Variants in STK24 observed in about 807,000 individuals in gnomAD.
STK24 encodes serine/threonine-protein kinase 24.
STK24 carries 21 observed loss-of-function variants against 55.6 expected under a neutral mutation model. The observed-to-expected ratio is 0.38, with a 90% confidence interval of 0.27 to 0.54. The LOEUF is 0.54. Ranked by LOEUF, STK24 falls within the 20% of genes least tolerant of loss-of-function variation. STK24 has a pLI of 0.79. For synonymous variants in STK24, 200 were observed against 215.2 expected (o/e 0.93, Z 0.62); for missense variants, 383 against 538.4 (o/e 0.71, Z 2.86).
At chr13:98,575,133 C>T (rs551373043) in intron 1 of STK24, among the ~76,000 whole-genome samples, 2 of 151,988 alleles carry the variant, frequency 1.3e-5, no homozygotes, top group East Asian at 3.9e-4. Flanking sequence ...CTTTTTTCAC[C>T]CAGTTCACTC....
At position 98,453,110 on chromosome 13, in the gene STK24, T is replaced by TAA; in HGVS notation, c.*61_*62dup. 1 of 1,596,584 alleles carries TAA rather than the reference T, an allele frequency of 6.3e-7. No homozygotes were observed. On this transcript the variant is annotated 3_prime_UTR_variant, in exon 11 of 11. Coordinates refer to ENST00000539966, the MANE Select transcript of STK24 (RefSeq NM_001032296.4). The stretch of plus-strand genomic sequence containing the variant: ...GTCAGCGAAGGCTCTCGTTGACTTT[T>TAA]AAAAAAGGAGGAGGATGAAGAAGGA...
intron 1 of STK24, among the ~76,000 whole-genome samples, chr13:98,537,159 C>T (rs1021395168): frequency 6.6e-6 from 1 of 152,256 alleles, no homozygotes; most frequent in Non-Finnish European, 1.5e-5. Flanking sequence ...TCAAGACCTA[C>T]CTCTGAAGGA....
rs913050457 is a variant in STK24, at chr13:98,448,867, T to C, written c.*4306A>G. 6.6e-6 allele frequency: 1 copy of C among 152,382 alleles called. No homozygotes were observed. Among genetic ancestry groups the C allele is most frequent in the African/African-American group, 2.4e-5 (1 of 41,446 alleles). The allele number at this position is 152,382 out of a possible 1,614,324, so 9.4% of individuals were successfully genotyped here. ...AAGTTAGTAGGACTCACTTCTCTGA[T>C]TAATAAGCAATTTGCAGCACACAGC... On this transcript the variant is annotated 3_prime_UTR_variant, in exon 11 of 11. Coordinates refer to ENST00000539966, the MANE Select transcript of STK24 (RefSeq NM_001032296.4).
At chr13:98,464,937 T>C (rs948644203) in intron 6 of STK24, among the ~76,000 whole-genome samples, 137 of 152,210 alleles carry the variant, frequency 9.0e-4, no homozygotes, top group African/African-American at 3.1e-3. Context: ...CTGGATGCGC[T>C]TCACCACCAA....
At chr13:98,471,548 G>A (rs1385246816) in intron 5 of STK24, among the ~76,000 whole-genome samples, 1 of 152,172 alleles carries the variant, frequency 6.6e-6, no homozygotes, top group African/African-American at 2.4e-5. Context: ...AACAGTAGTA[G>A]TGAAGGTTCT....
At chr13:98,543,365 G>GC (rs1406835814) in intron 1 of STK24, among the ~76,000 whole-genome samples, 3 of 152,118 alleles carry the variant, frequency 2.0e-5, no homozygotes, top group African/African-American at 7.2e-5. Flanking sequence ...CCCTCCAGAA[G>GC]CACCAAGCAA....
intron 1 of STK24, among the ~76,000 whole-genome samples, chr13:98,537,821 A>T (rs531737525): frequency 2.0e-5 from 3 of 152,090 alleles, no homozygotes; most frequent in Admixed American, 6.5e-5. Context: ...AGTGACTGAC[A>T]AAGTCACTTA....
intron 10 of STK24, 36 bp from the exon 11 acceptor site, chr13:98,453,245 T>A (rs1218597398): frequency 6.2e-7 from 1 of 1,602,750 alleles, no homozygotes; most frequent in Admixed American, 1.7e-5. Flanking sequence ...TCAACACATG[T>A]CATTTCTCAT....
At chr13:98,535,371 ATAT>A (rs541936206) in intron 1 of STK24, among the ~76,000 whole-genome samples, 7,468 of 37,394 alleles carry the variant, frequency 0.2, 250 homozygotes, top group Non-Finnish European at 0.25. Flanking sequence ...CAAAAAAAAA[ATAT>A]ATATATATAT....
intron 3 of STK24, among the ~76,000 whole-genome samples, chr13:98,475,832 C>T (rs1894349550): frequency 6.6e-6 from 1 of 152,170 alleles, no homozygotes. Flanking sequence ...TCTGTCCTAA[C>T]ATATGTGGTT....
intron 2 of STK24, among the ~76,000 whole-genome samples, chr13:98,515,341 C>A (rs973358650): frequency 1.3e-5 from 2 of 151,914 alleles, no homozygotes; most frequent in Admixed American, 6.6e-5. Context: ...TGGATGGTAC[C>A]TCAGTGGCAG....
intron 1 of STK24, among the ~76,000 whole-genome samples, chr13:98,574,227 G>A (rs1009296798): frequency 2.6e-5 from 4 of 152,172 alleles, no homozygotes; most frequent in Admixed American, 2.0e-4. Context: ...TAGCCAGGAT[G>A]GTCTCGATCT....
Position 98,522,051 on chromosome 13 carries a change from A to G in STK24, c.43-2578T>C, listed in dbSNP as rs1896278821. The G allele has an allele frequency of 2.9e-6, 4 of 1,399,228 alleles. No individual in the cohort carries two copies. The East Asian group carries it at 1.1e-4, about 38-fold the overall frequency. 86.7% of individuals were successfully genotyped at this position (1,399,228 alleles called of 1,614,324 possible). A position where few individuals can be genotyped will look rare whatever the true frequency, so the allele number is the denominator to read the frequency against. ...CTGGAGTCCCTTCAAAGTCATCTGG[A>G]CCTGCCCGGTCCTCCCCACCACTGC... On this transcript the variant is annotated intron_variant, in intron 1 of 10. Transcript: ENST00000539966.
intron 1 of STK24, among the ~76,000 whole-genome samples, chr13:98,565,503 G>A (rs1205223609): frequency 6.6e-6 from 1 of 151,946 alleles, no homozygotes; most frequent in African/African-American, 2.4e-5. Context: ...GTGGTCGCGG[G>A]TGCCTGTAAT....
intron 1 of STK24, among the ~76,000 whole-genome samples, chr13:98,538,431 G>T (rs1261567127): frequency 1.3e-5 from 2 of 151,960 alleles, no homozygotes; most frequent in East Asian, 3.9e-4. Context: ...CACCATGTTG[G>T]TCAAGCCGGT....
intron 1 of STK24, among the ~76,000 whole-genome samples, chr13:98,561,907 G>A (rs1272599065): frequency 2.0e-5 from 3 of 150,392 alleles, no homozygotes; most frequent in East Asian, 2.0e-4. Flanking sequence ...AACCCGGGAG[G>A]TGGAGGTTGC....
At chr13:98,539,757 C>G (rs1896835395) in intron 1 of STK24, among the ~76,000 whole-genome samples, 1 of 152,152 alleles carries the variant, frequency 6.6e-6, no homozygotes, top group Non-Finnish European at 1.5e-5. Context: ...GTGGCCACTT[C>G]AGAAAGCCAT....
intron 1 of STK24, among the ~76,000 whole-genome samples, chr13:98,539,822 G>A (rs1415670193): frequency 6.6e-6 from 1 of 152,178 alleles, no homozygotes; most frequent in Non-Finnish European, 1.5e-5. Flanking sequence ...AAACCAGAGA[G>A]TCTCCAAGGG....
rs1893818917 is a variant in STK24 at position 98,463,855 on chromosome 13, C to T, written c.784-19G>A. 1.9e-6 allele frequency: 3 copies of T among 1,609,356 alleles called. No homozygotes were observed. The highest frequency in any genetic ancestry group is 2.5e-6 in the Non-Finnish European group (3 of 1,177,034). Reference sequence around the variant, plus strand: ...TGGGTCTCTGGAAAAACACACCCAACAATTAAAGTATGAGATGAAGTTCTT... The same window carrying T: ...TGGGTCTCTGGAAAAACACACCCAATAATTAAAGTATGAGATGAAGTTCTT... On this transcript the variant is annotated intron_variant, in intron 6 of 10. Transcript: ENST00000539966.
Sources: allele counts gnomAD v4.1 joint callset (sites outside exome capture counted in the v4.1 genomes callset), GRCh38; gene constraint gnomAD v4.1.1; transcripts MANE v1.5; gene names NCBI Gene and HGNC (gene_info 2026-07-23, HGNC 2026-07-21).